Variants in ENO2 observed in about 807,000 individuals in gnomAD.
ENO2 encodes the protein gamma-enolase.
A neutral mutation model predicts 48.7 loss-of-function variants in ENO2; 19 were observed. The observed-to-expected ratio is 0.39, with a 90% CI of 0.27 to 0.57. ENO2 has a LOEUF of 0.57. Ranked by LOEUF, ENO2 falls within the 20% of genes least tolerant of loss-of-function variation. ENO2 has a pLI of 0.58. For missense variants in ENO2, 416 were observed against 555.0 expected, an observed-to-expected ratio of 0.75 and a Z score of 2.52; for synonymous variants, 198 against 213.4, an observed-to-expected ratio of 0.93 and a Z score of 0.63.
rs564575090 is a variant in ENO2 at position 6,917,120 on chromosome 12, C to T, written c.310+13C>T. 8.7e-6 allele frequency: 14 copies of T among 1,613,628 alleles called. No homozygotes were observed. Among genetic ancestry groups the T allele is most frequent in the African/African-American group, 2.7e-5 (2 of 74,834 alleles). ...ACTGAGAACAAATGTGAGCCGGGGC[C>T]GGGAGAAAGTGGGGAAGCGTCAGGG... On this transcript the variant is annotated intron_variant, in intron 5 of 11. Coordinates refer to ENST00000229277, the MANE Select transcript of ENO2 (RefSeq NM_001975.3).
chr12:6,917,815 A>G, intron 6 of ENO2, 101 bp downstream of exon 6: 1 of 1,587,156 alleles, frequency 6.3e-7, no homozygotes, highest in Non-Finnish European at 8.6e-7. Flanking sequence ...AGGGAGGTAA[A>G]GAGGAAGGAT....
In ENO2 at chr12:6,921,971, T is replaced by A. The variant is rs782412701; in HGVS notation, c.1068-85T>A. On this transcript the variant is annotated intron_variant, in intron 9 of 11. Coordinates refer to ENST00000229277, the MANE Select transcript of ENO2 (RefSeq NM_001975.3). The stretch of plus-strand genomic sequence containing the variant: ...CCCTCCCAGATAGCTTTCCCCTAGA[T>A]GTTTCCTGACATAGACCAAGGTTGG... 1.9e-6 allele frequency: 3 copies of A among 1,574,984 alleles called. No individual in the cohort carries two copies. In the East Asian group the frequency reaches 6.7e-5, roughly 35 times the overall value.
Position 6,917,867 on chromosome 12 carries a change from G to A in ENO2, c.445-73G>A, listed in dbSNP as rs1020540093. The A allele has an allele frequency of 5.2e-5, 77 of 1,492,900 alleles. No individual in the cohort carries two copies. The Admixed American group carries it at 1.3e-3, about 26-fold the overall frequency. The allele number at this position is 1,492,900 out of a possible 1,614,324, so 92.5% of individuals were successfully genotyped here. On this transcript the variant is annotated intron_variant, in intron 6 of 11. Transcript: ENST00000229277. ...GTCCGGAAAGCTGGGGGAAGTTTGG[G>A]ATCTTGGGTTAACACTCCTGGGGCG...
intron 5 of ENO2, 164 bp from the exon 6 acceptor site, chr12:6,917,417 C>G: frequency 1.0e-6 from 1 of 982,438 alleles, no homozygotes; most frequent in Non-Finnish European, 1.5e-6. Context: ...CCATTCCTCT[C>G]CCTGCTGTTT....
Position 6,921,787 on chromosome 12 carries a change from G to A in ENO2, c.1067+5G>A. The stretch of plus-strand genomic sequence containing the variant: ...GGTCACTGAAGCCATCCAAGCGTGA[G>A]TGACTTCTGGCCCTCTCCTGTGTGG... On this transcript the variant is annotated splice_donor_5th_base_variant and intron_variant, in intron 9 of 11. Transcript: ENST00000229277. 1 of 1,613,912 alleles carries A rather than the reference G, an allele frequency of 6.2e-7. No individual in the cohort carries two copies. The highest frequency in any genetic ancestry group is 1.1e-5 in the South Asian group (1 of 91,066).
In ENO2 at chr12:6,922,318, G is replaced by C; in HGVS notation, c.1177-26G>C. 1 of 1,614,174 alleles carries C rather than the reference G, an allele frequency of 6.2e-7. No individual in the cohort carries two copies. The highest frequency in any genetic ancestry group is 8.5e-7 in the Non-Finnish European group (1 of 1,180,020). ...TCAGGGGTGAGAGGGCAGTCACTGA[G>C]CTGCAAATCCTTTGAAATGTTTCAG... On this transcript the variant is annotated intron_variant, in intron 10 of 11. Transcript: ENST00000229277. The surrounding 1 kb of genome is among the most constrained non-coding windows in gnomAD (Gnocchi z 5.3).
At position 6,923,117 on chromosome 12, in the gene ENO2, G is replaced by T; in HGVS notation, c.*317G>T. On this transcript the variant is annotated 3_prime_UTR_variant, in exon 12 of 12. Coordinates refer to ENST00000229277, the MANE Select transcript of ENO2 (RefSeq NM_001975.3). ...TGGAAGAATGATCAGCATCTGTGAT[G>T]GGAGCGTCAGGGTTGGTGTGCTGAG... 2.9e-6 allele frequency: 1 copy of T among 340,472 alleles called. No individual in the cohort carries two copies. The highest frequency in any genetic ancestry group is 5.7e-6 in the Non-Finnish European group (1 of 174,770). 21.1% of individuals were successfully genotyped at this position (340,472 alleles called of 1,614,324 possible).
chr12:6,917,614 C>A lies in ENO2; in HGVS notation c.344C>A (p.Ser115Tyr). The change falls in exon 6 of 12, where the codon TCT becomes TAT. Residue 115 changes from serine to tyrosine, a missense_variant. Coordinates refer to ENST00000229277, the MANE Select transcript of ENO2 (RefSeq NM_001975.3). ...KFGANAILGV[S>Y]LAVCKAGAAE... The stretch of plus-strand genomic sequence containing the variant: ...GGGGCCAATGCCATCCTGGGTGTGT[C>A]TCTGGCCGTGTGTAAGGCAGGGGCA... 1 of 1,613,578 alleles carries A rather than the reference C, an allele frequency of 6.2e-7. No individual in the cohort carries two copies. The highest frequency in any genetic ancestry group is 1.3e-5 in the African/African-American group (1 of 75,034).
chr12:6,914,937 T>C lies in ENO2; in HGVS notation c.-13+278T>C, dbSNP rs1022589601. ...CGCCCTCATCTACGGTTCTATTTGTTTCTAAGTTGGGAGCCTCTCCGGGCG... is the reference window on the plus strand; with the variant it reads ...CGCCCTCATCTACGGTTCTATTTGTCTCTAAGTTGGGAGCCTCTCCGGGCG... On this transcript the variant is annotated intron_variant, in intron 1 of 11. Transcript: ENST00000229277. The surrounding 1 kb of genome is among the most constrained non-coding windows in gnomAD (Gnocchi z 7.1). Among the ~76,000 whole-genome samples, 3 of 152,124 alleles carry C rather than the reference T, an allele frequency of 2.0e-5. No individual in the cohort carries two copies. The highest frequency in any genetic ancestry group is 4.8e-5 in the African/African-American group (2 of 41,420).
chr12:6,915,694 ACCCACCC>A, intron 1 of ENO2, 120 bp from the exon 2 acceptor site: 1 of 145,570 alleles, frequency 6.9e-6, no homozygotes, highest in South Asian at 6.7e-5. Context: ...GCGCCTCCCT[ACCCACCC>A]CCCACCCACT....
At chr12:6,920,226 C>T (rs1057093184) in intron 8 of ENO2, among the ~76,000 whole-genome samples, 4 of 152,022 alleles carry the variant, frequency 2.6e-5, no homozygotes, top group South Asian at 2.1e-4. Flanking sequence ...GGCAGTTGGT[C>T]GCCATCTTCC....
Position 6,917,590 on chromosome 12 carries a change from G to A in ENO2, c.320G>A (p.Gly107Glu). ...LDGTENKSKF[G>E]ANAILGVSLA... The stretch of plus-strand genomic sequence containing the variant: ...CTCTATAATCTCCTAGCCAAGTTTG[G>A]GGCCAATGCCATCCTGGGTGTGTCT... The change falls in exon 6 of 12, where the codon GGG becomes GAG. Residue 107 changes from glycine to glutamate, a missense_variant. By Grantham distance (98) the Gly-to-Glu change is moderately conservative. Transcript: ENST00000229277. The A allele has an allele frequency of 6.2e-7, 1 of 1,613,002 alleles. No individual in the cohort carries two copies. The highest frequency in any genetic ancestry group is 8.5e-7 in the Non-Finnish European group (1 of 1,179,402).
chr12:6,917,516 T>G (rs1254283935), intron 5 of ENO2, 65 bp from the exon 6 acceptor site: 1 of 1,563,998 alleles, frequency 6.4e-7, no homozygotes, highest in African/African-American at 1.4e-5. Flanking sequence ...AGACTACAGA[T>G]GGAGGCAGGA....
chr12:6,920,711 A>G (rs1447122767), intron 8 of ENO2, among the ~76,000 whole-genome samples: 1 of 133,034 alleles, frequency 7.5e-6, no homozygotes, highest in Admixed American at 7.5e-5. Context: ...GTTTGCTTTT[A>G]ATTAACTTTT....
At chr12:6,921,969 G>T in intron 9 of ENO2, 87 bp from the exon 10 acceptor site, 1 of 1,572,702 alleles carries the variant, frequency 6.4e-7, no homozygotes, top group Admixed American at 1.7e-5. Flanking sequence ...CTTTCCCCTA[G>T]ATGTTTCCTG....
At chr12:6,921,931 CCT>C in intron 9 of ENO2, 123 bp from the exon 10 acceptor site, 1 of 1,501,418 alleles carries the variant, frequency 6.7e-7, no homozygotes, top group Non-Finnish European at 9.2e-7. Context: ...CCCCTCCACC[CCT>C]GATTCTCTGC....
rs1336032867 is a variant in ENO2, at chr12:6,917,021, G to A, written c.241-17G>A. Reference sequence around the variant, plus strand: ...AGCCTCCAGCCTGGCCCTGGGTGATGGAGGCTCTGCCCTCAGGGTCTCTCT... The same window carrying A: ...AGCCTCCAGCCTGGCCCTGGGTGATAGAGGCTCTGCCCTCAGGGTCTCTCT... On this transcript the variant is annotated splice_polypyrimidine_tract_variant and intron_variant, in intron 4 of 11. Coordinates refer to ENST00000229277, the MANE Select transcript of ENO2 (RefSeq NM_001975.3). 2 of 1,614,100 alleles carry A rather than the reference G, an allele frequency of 1.2e-6. No individual in the cohort carries two copies. The highest frequency in any genetic ancestry group is 1.1e-5 in the South Asian group (1 of 91,078).
In ENO2 at chr12:6,915,821, A is replaced by T; in HGVS notation, c.-12A>T. 7 of 1,611,412 alleles carry T rather than the reference A, an allele frequency of 4.3e-6. No homozygotes were observed. The highest frequency in any genetic ancestry group is 5.9e-6 in the Non-Finnish European group (7 of 1,178,688). ...CCTTCCTTCCCTTCCACCCGAGGAG[A>T]TCCCAGCCATCATGTCCATAGAGAA... On this transcript the variant is annotated splice_region_variant and 5_prime_UTR_variant, in exon 2 of 12. Coordinates refer to ENST00000229277, the MANE Select transcript of ENO2 (RefSeq NM_001975.3).
chr12:6,917,231 C>T, intron 5 of ENO2, 124 bp downstream of exon 5: 1 of 1,233,692 alleles, frequency 8.1e-7, no homozygotes, highest in South Asian at 1.4e-5. Context: ...ATTCTCCTCT[C>T]AAAGCCAGAG....
Sources: allele counts gnomAD v4.1 joint callset (sites outside exome capture counted in the v4.1 genomes callset), GRCh38; gene constraint gnomAD v4.1.1; non-coding constraint Gnocchi (gnomAD v3.1); transcripts MANE v1.5; gene names NCBI Gene and HGNC (gene_info 2026-07-23, HGNC 2026-07-21).